KLF12: variants seen among roughly 807,000 people sequenced by gnomAD.
The protein encoded by KLF12 is KLF transcription factor 12, also known as Krueppel-like factor 12.
A neutral mutation model predicts 37.8 loss-of-function variants in KLF12; 9 were observed. The ratio of observed to expected loss-of-function variants is 0.24; its 90% CI spans 0.14 to 0.42. KLF12 has a LOEUF of 0.42. Among genes scored for constraint, KLF12 ranks in the 10% least tolerant of loss-of-function variants. The pLI is 1.00. For missense variants in KLF12, 411 were observed against 516.0 expected (o/e 0.80, Z 1.97); for synonymous variants, 208 against 202.1 (o/e 1.03, Z -0.25).
intron 1 of KLF12, among the ~76,000 whole-genome samples, chr13:74,115,420 T>TATTTTGTTC (rs1877235912): frequency 6.6e-6 from 1 of 152,090 alleles, no homozygotes; most frequent in Non-Finnish European, 1.5e-5. Flanking sequence ...AAAGAATCTT[T>TATTTTGTTC]TCCACCGGGC....
Position 73,695,455 on chromosome 13 carries a change from C to A in KLF12, c.*35G>T. The A allele has an allele frequency of 1.2e-6, 2 of 1,604,562 alleles. No homozygotes were observed. Among genetic ancestry groups the A allele is most frequent in the South Asian group, 2.2e-5 (2 of 90,640 alleles). On this transcript the variant is annotated 3_prime_UTR_variant, in exon 8 of 8. Coordinates refer to ENST00000377669, the MANE Select transcript of KLF12 (RefSeq NM_007249.5). ...GCTGAATTGGGTGCCGCTAAGAGAT[C>A]CAGCTCTTACGCTCAGCTGGACAGG...
chr13:73,724,432 G>A (rs1295357411), intron 6 of KLF12, among the ~76,000 whole-genome samples: 1 of 152,024 alleles, frequency 6.6e-6, no homozygotes, highest in Non-Finnish European at 1.5e-5. Flanking sequence ...TTATTGCTTG[G>A]GTAGGATTAT....
At chr13:73,782,380 A>G (rs567689044) in intron 5 of KLF12, among the ~76,000 whole-genome samples, 1 of 152,314 alleles carries the variant, frequency 6.6e-6, no homozygotes, top group East Asian at 1.9e-4. Flanking sequence ...TAAAGTAAGA[A>G]CAATAGCTAC....
At chr13:74,114,136 G>A (rs1053090141) in intron 1 of KLF12, among the ~76,000 whole-genome samples, 3 of 152,104 alleles carry the variant, frequency 2.0e-5, no homozygotes, top group African/African-American at 7.2e-5. Context: ...TTCTTGAGTT[G>A]GAATCTACTC....
Position 74,064,787 on chromosome 13 carries a change from C to A in KLF12, c.-32+68952G>T, listed in dbSNP as rs1308670692. 2.0e-5 allele frequency among the ~76,000 whole-genome samples: 3 copies of A among 152,144 alleles called. No individual in the cohort carries two copies. The East Asian group carries it at 5.8e-4, about 29-fold the overall frequency. Reference sequence around the variant, plus strand: ...CATAAAGGACCTTAGATCTAAAAATCTCACACTGTACTAATGATGTCTAGA... The same window carrying A: ...CATAAAGGACCTTAGATCTAAAAATATCACACTGTACTAATGATGTCTAGA... On this transcript the variant is annotated intron_variant, in intron 1 of 7. Coordinates refer to ENST00000377669, the MANE Select transcript of KLF12 (RefSeq NM_007249.5).
intron 6 of KLF12, among the ~76,000 whole-genome samples, chr13:73,732,096 T>C (rs1029912730): frequency 5.3e-4 from 81 of 151,902 alleles, no homozygotes; most frequent in Non-Finnish European, 1.1e-3. Flanking sequence ...TTTTTTTTTT[T>C]TTTTGAGAGG....
At chr13:73,843,663 C>T (rs990251179) in intron 4 of KLF12, among the ~76,000 whole-genome samples, 22 of 152,072 alleles carry the variant, frequency 1.4e-4, no homozygotes, top group Non-Finnish European at 2.6e-4. Flanking sequence ...ATGTTATTAT[C>T]CCTATTTTAT....
In KLF12 at chr13:73,690,087, A is replaced by G. The variant is rs1432589769; in HGVS notation, c.*5403T>C. Reference sequence around the variant, plus strand: ...AAAAGCGTTTTTTGTGGGCATGTGAACAGATTTGATTTACTATGTGTATGT... The same window carrying G: ...AAAAGCGTTTTTTGTGGGCATGTGAGCAGATTTGATTTACTATGTGTATGT... On this transcript the variant is annotated 3_prime_UTR_variant, in exon 8 of 8. Coordinates refer to ENST00000377669, the MANE Select transcript of KLF12 (RefSeq NM_007249.5). 2 of 152,494 alleles carry G rather than the reference A, an allele frequency of 1.3e-5. No individual in the cohort carries two copies. Among genetic ancestry groups the G allele is most frequent in the Admixed American group, 1.3e-4 (2 of 15,250 alleles). 9.4% of individuals were successfully genotyped at this position (152,494 alleles called of 1,614,324 possible).
chr13:73,702,608 G>C (rs1874640409), intron 7 of KLF12, among the ~76,000 whole-genome samples: 1 of 152,138 alleles, frequency 6.6e-6, no homozygotes, highest in Non-Finnish European at 1.5e-5. Flanking sequence ...TTTTGCAACA[G>C]GAAGCACAGG....
intron 2 of KLF12, among the ~76,000 whole-genome samples, chr13:73,944,766 C>CA (rs11377211): frequency 0.61 from 92,370 of 151,978 alleles, 28,340 homozygotes; most frequent in Admixed American, 0.67. Context: ...AATAACATTT[C>CA]AAACACCATT....
chr13:73,695,025 G>A lies in KLF12; in HGVS notation c.*465C>T, dbSNP rs1874041111. 1 of 153,414 alleles carries A rather than the reference G, an allele frequency of 6.5e-6. No homozygotes were observed. Among genetic ancestry groups the A allele is most frequent in the South Asian group, 2.1e-4 (1 of 4,838 alleles). The allele number at this position is 153,414 out of a possible 1,614,324, so 9.5% of individuals were successfully genotyped here. ...TCATGCTGCTTGCTGGTAACAGATT[G>A]GATGTGTGTTCTAGCTTACTCAGAT... On this transcript the variant is annotated 3_prime_UTR_variant, in exon 8 of 8. Coordinates refer to ENST00000377669, the MANE Select transcript of KLF12 (RefSeq NM_007249.5).
chr13:74,197,337 C>T, the KLF12 span, among the ~76,000 whole-genome samples: 1 of 152,000 alleles, frequency 6.6e-6, no homozygotes, highest in Admixed American at 6.6e-5. Flanking sequence ...TAAAAACAAA[C>T]CAATATTATT....
Position 73,958,306 on chromosome 13 carries a change from C to T in KLF12, c.34-14236G>A, listed in dbSNP as rs181714934. Among the ~76,000 whole-genome samples, 216 of 151,576 alleles carry T rather than the reference C, an allele frequency of 1.4e-3. 1 individual carries two copies. Among genetic ancestry groups the T allele is most frequent in the African/African-American group, 4.8e-3 (199 of 41,284 alleles). On this transcript the variant is annotated intron_variant, in intron 2 of 7. Coordinates refer to ENST00000377669, the MANE Select transcript of KLF12 (RefSeq NM_007249.5). ...TCGCCCAGGCTGGAGTGCAGTGGTGCGATCTCGGCTCACTGCAGCCTCCGC... is the reference window on the plus strand; with the variant it reads ...TCGCCCAGGCTGGAGTGCAGTGGTGTGATCTCGGCTCACTGCAGCCTCCGC...
At chr13:73,748,065 G>A (rs1390540872) in intron 6 of KLF12, among the ~76,000 whole-genome samples, 5 of 152,136 alleles carry the variant, frequency 3.3e-5, no homozygotes, top group Non-Finnish European at 5.9e-5. Context: ...TGTTGAAAAC[G>A]ATGAATTTGT....
At chr13:73,901,756 C>T (rs1888052825) in intron 3 of KLF12, among the ~76,000 whole-genome samples, 1 of 152,110 alleles carries the variant, frequency 6.6e-6, no homozygotes, top group Admixed American at 6.5e-5. Flanking sequence ...AGGTCAGTGG[C>T]TTTCTAAAGT....
chr13:74,135,464 G>A (rs1225128439), upstream of KLF12, among the ~76,000 whole-genome samples: 1 of 151,858 alleles, frequency 6.6e-6, no homozygotes, highest in Non-Finnish European at 1.5e-5. Context: ...GCGGATCCGC[G>A]GGATTGTGGG....
At chr13:73,905,495 A>T (rs1888239529) in intron 3 of KLF12, among the ~76,000 whole-genome samples, 1 of 151,964 alleles carries the variant, frequency 6.6e-6, no homozygotes, top group Admixed American at 6.5e-5. Flanking sequence ...AATCTCCATG[A>T]ACATTATTTC....
intron 1 of KLF12, among the ~76,000 whole-genome samples, chr13:74,068,777 G>A (rs1161040413): frequency 6.6e-6 from 1 of 151,950 alleles, no homozygotes; most frequent in Non-Finnish European, 1.5e-5. Flanking sequence ...GACTGGTCTC[G>A]AACTCCTGGC....
intron 2 of KLF12, among the ~76,000 whole-genome samples, chr13:73,967,855 G>A (rs1371254217): frequency 1.3e-5 from 2 of 152,180 alleles, no homozygotes; most frequent in Non-Finnish European, 2.9e-5. Context: ...ATGAGCATCA[G>A]TGACGATGAA....
Sources: gnomAD v4.1 joint callset for allele counts (sites outside exome capture counted in the v4.1 genomes callset) on GRCh38, gnomAD v4.1.1 for gene constraint, MANE v1.5 for transcripts, NCBI Gene and HGNC (gene_info 2026-07-23, HGNC 2026-07-21) for gene names.